ASTN2: variants seen among roughly 807,000 people sequenced by gnomAD.
ASTN2 encodes the protein astrotactin 2, also known as astrotactin-2.
In ASTN2, 54 loss-of-function variants were observed where a neutral mutation model predicts 139.8. The ratio of observed to expected loss-of-function variants is 0.39; its 90% CI spans 0.31 to 0.48. The LOEUF is 0.48. Ranked by LOEUF, ASTN2 falls within the 20% of genes least tolerant of loss-of-function variation. The pLI is 0.95. For missense variants in ASTN2, 1,565 were observed against 1,725.1 expected (o/e 0.91, Z 1.64); for synonymous variants, 756 against 719.5 (o/e 1.05, Z -0.81).
intron 11 of ASTN2, among the ~76,000 whole-genome samples, chr9:116,840,784 G>T (rs1832222031): frequency 6.7e-6 from 1 of 150,152 alleles, no homozygotes; most frequent in African/African-American, 2.4e-5. Flanking sequence ...ACGATGGGCG[G>T]CAGGGCAGAG....
intron 10 of ASTN2, among the ~76,000 whole-genome samples, chr9:116,915,076 C>G (rs1834405053): frequency 6.6e-6 from 1 of 152,206 alleles, no homozygotes; most frequent in African/African-American, 2.4e-5. Flanking sequence ...TCTTTGCAAA[C>G]TTTTCTTAGG....
chr9:117,325,380 G>A (rs1828480798), intron 1 of ASTN2, among the ~76,000 whole-genome samples: 1 of 152,074 alleles, frequency 6.6e-6, no homozygotes, highest in Admixed American at 6.5e-5. Flanking sequence ...CATTGCCATG[G>A]GCTCTTCAGG....
chr9:117,355,871 C>A (rs1277809142), intron 1 of ASTN2, among the ~76,000 whole-genome samples: 1 of 152,116 alleles, frequency 6.6e-6, no homozygotes, highest in African/African-American at 2.4e-5. Context: ...GTAAAGTGGT[C>A]AATGGCATGC....
At chr9:116,961,702 T>C (rs557677675) in intron 10 of ASTN2, among the ~76,000 whole-genome samples, 1 of 152,230 alleles carries the variant, frequency 6.6e-6, no homozygotes, top group Non-Finnish European at 1.5e-5. Flanking sequence ...GACTCAATCA[T>C]CATGTACTTA....
intron 2 of ASTN2, among the ~76,000 whole-genome samples, chr9:117,221,462 A>G (rs1431351941): frequency 1.3e-5 from 2 of 152,176 alleles, no homozygotes; most frequent in Non-Finnish European, 2.9e-5. Context: ...TCAGAAACTG[A>G]TTATTTCTGT....
Position 117,058,484 on chromosome 9 carries a change from T to G in ASTN2, c.1277-18519A>C, listed in dbSNP as rs141983888. On this transcript the variant is annotated intron_variant, in intron 5 of 22. Coordinates refer to ENST00000313400, the MANE Select transcript of ASTN2 (RefSeq NM_001365068.1). ...CAAACCTATGGAGTTATAGTTACTA[T>G]GCCCATTTTACAGAGGAGAAACTTA... Among the ~76,000 whole-genome samples, 709 of 152,358 alleles carry G rather than the reference T, an allele frequency of 4.7e-3. 5 individuals carry two copies. Among genetic ancestry groups the G allele is most frequent in the Non-Finnish European group, 5.7e-3 (387 of 68,038 alleles).
At chr9:117,078,523 T>A (rs531745024) in intron 5 of ASTN2, among the ~76,000 whole-genome samples, 1 of 152,286 alleles carries the variant, frequency 6.6e-6, no homozygotes, top group African/African-American at 2.4e-5. Context: ...AATTGGAGAA[T>A]CAGGAAAGAC....
chr9:116,496,721 A>G (rs966091923), intron 19 of ASTN2, among the ~76,000 whole-genome samples: 9 of 152,212 alleles, frequency 5.9e-5, no homozygotes, highest in Non-Finnish European at 1.2e-4. Flanking sequence ...AGGTTTAATG[A>G]ACTCACAGTT....
intron 13 of ASTN2, among the ~76,000 whole-genome samples, chr9:116,766,894 C>T (rs999913282): frequency 3.3e-5 from 5 of 152,018 alleles, no homozygotes; most frequent in African/African-American, 1.2e-4. Context: ...CACTCACATA[C>T]ACTTAAACAC....
chr9:116,609,133 A>T (rs1375316874), intron 19 of ASTN2, among the ~76,000 whole-genome samples: 1 of 151,974 alleles, frequency 6.6e-6, no homozygotes, highest in Non-Finnish European at 1.5e-5. Flanking sequence ...GTTGGAGGAA[A>T]AGAAAAATGG....
chr9:116,968,151 C>T (rs972284043), intron 10 of ASTN2, among the ~76,000 whole-genome samples: 2 of 151,894 alleles, frequency 1.3e-5, no homozygotes, highest in East Asian at 1.9e-4. Context: ...CATTGAGGCT[C>T]GAAGAGGTGA....
intron 19 of ASTN2, among the ~76,000 whole-genome samples, chr9:116,548,411 C>A (rs547074002): frequency 6.6e-6 from 1 of 152,198 alleles, no homozygotes; most frequent in Non-Finnish European, 1.5e-5. Flanking sequence ...GCAGCTGCTT[C>A]TATGTCAGTA....
intron 3 of ASTN2, among the ~76,000 whole-genome samples, chr9:117,165,614 G>A (rs1039297046): frequency 2.6e-5 from 4 of 152,090 alleles, no homozygotes; most frequent in African/African-American, 7.2e-5. Flanking sequence ...GGTCCTGAGA[G>A]TGAGGGCCAC....
intron 6 of ASTN2, among the ~76,000 whole-genome samples, chr9:117,032,292 G>A (rs532812851): frequency 6.6e-6 from 1 of 152,254 alleles, no homozygotes; most frequent in South Asian, 2.1e-4. Context: ...AAGGTATATA[G>A]AGAGGCAGAT....
intron 11 of ASTN2, among the ~76,000 whole-genome samples, chr9:116,861,287 C>T (rs139236507): frequency 4.0e-5 from 6 of 150,630 alleles, no homozygotes; most frequent in African/African-American, 1.2e-4. Flanking sequence ...GGTTTCATTC[C>T]TATGGGATAT....
At chr9:116,842,567 C>T (rs1832293706) in intron 11 of ASTN2, among the ~76,000 whole-genome samples, 1 of 151,998 alleles carries the variant, frequency 6.6e-6, no homozygotes. Context: ...CCTCTTGCCA[C>T]TCAGCCTCAA....
rs1277189765 is a variant in ASTN2, at chr9:116,487,059, TC to T, written c.3497+299del. ...CCTGACCCAACCATCCTTGATAACT[TC>T]ATCTGTGCTCTTGAGTAAGCCCTCT... is the stretch of plus-strand genomic sequence containing the variant. On this transcript the variant is annotated intron_variant, in intron 20 of 22. Coordinates refer to ENST00000313400, the MANE Select transcript of ASTN2 (RefSeq NM_001365068.1). Among the ~76,000 whole-genome samples the T allele has an allele frequency of 2.0e-5, 3 of 152,254 alleles. No homozygotes were observed. In the East Asian group the frequency reaches 5.8e-4, roughly 29 times the overall value.
In ASTN2 at chr9:117,309,031, G is replaced by A. The variant is rs192272441; in HGVS notation, c.443-17518C>T. 9.6e-4 allele frequency among the ~76,000 whole-genome samples: 146 copies of A among 152,314 alleles called. 1 individual carries two copies. Among genetic ancestry groups the A allele is most frequent in the Non-Finnish European group, 1.7e-3 (113 of 68,030 alleles). On this transcript the variant is annotated intron_variant, in intron 1 of 22. Coordinates refer to ENST00000313400, the MANE Select transcript of ASTN2 (RefSeq NM_001365068.1). Reference sequence around the variant, plus strand: ...ATTATCCATCAAGCCTATTATGCATGTTTTCCTGCATAATCCTCACAACTA... The same window carrying A: ...ATTATCCATCAAGCCTATTATGCATATTTTCCTGCATAATCCTCACAACTA...
intron 10 of ASTN2, among the ~76,000 whole-genome samples, chr9:116,945,937 G>A (rs113359173): frequency 1.3e-5 from 2 of 152,302 alleles, no homozygotes; most frequent in African/African-American, 4.8e-5. Flanking sequence ...ATAACTGGGA[G>A]GCCTTAGGAA....
Sources: allele counts gnomAD v4.1 joint callset (sites outside exome capture counted in the v4.1 genomes callset), GRCh38; gene constraint gnomAD v4.1.1; transcripts MANE v1.5; gene names NCBI Gene and HGNC (gene_info 2026-07-23, HGNC 2026-07-21).